Variants in KDR observed in about 807,000 individuals in gnomAD.
KDR encodes kinase insert domain receptor, also known as vascular endothelial growth factor receptor 2.
A neutral mutation model predicts 160.9 loss-of-function variants in KDR; 43 were observed. The observed-to-expected ratio is 0.27, with a 90% CI of 0.21 to 0.34. The LOEUF (loss-of-function observed/expected upper bound fraction) is 0.34, where lower values mean the gene tolerates loss of function less well. Ranked by LOEUF, KDR falls within the 10% of genes least tolerant of loss-of-function variation. The pLI is 1.00. For synonymous variants in KDR, 617 were observed against 600.1 expected, an observed-to-expected ratio of 1.03 and a Z score of -0.41; for missense variants, 1,469 against 1,666.4, an observed-to-expected ratio of 0.88 and a Z score of 2.06.
At chr4:55,109,241 C>A (rs1038197298) in intron 9 of KDR, among the ~76,000 whole-genome samples, 1 of 152,102 alleles carries the variant, frequency 6.6e-6, no homozygotes, top group Non-Finnish European at 1.5e-5. Context: ...CACCACCATG[C>A]CTGGCTAATT....
At chr4:55,118,179 C>CAA (rs1720780398) in intron 3 of KDR, among the ~76,000 whole-genome samples, 2 of 152,110 alleles carry the variant, frequency 1.3e-5, no homozygotes, top group African/African-American at 2.4e-5. Context: ...GAGCCCTTGG[C>CAA]AAAAAATGCT....
At position 55,089,806 on chromosome 4, in the gene KDR, C is replaced by T. The variant is rs748336124; in HGVS notation, c.3193-4G>A. On this transcript the variant is annotated splice_polypyrimidine_tract_variant and splice_region_variant and intron_variant, in intron 23 of 29. Transcript: ENST00000263923. ...TCCATTTCAAAGGGAGGCGAGCCTA[C>T]AGGGGTAGAAGACAAGGATTCAGAA... 3 of 1,613,450 alleles carry T rather than the reference C, an allele frequency of 1.9e-6. No individual in the cohort carries two copies. Among genetic ancestry groups the T allele is most frequent in the Non-Finnish European group, 2.5e-6 (3 of 1,179,424 alleles).
In KDR at chr4:55,123,572, T is replaced by C. The variant is rs58976432; in HGVS notation, c.67+1655A>G. Among the ~76,000 whole-genome samples, 377 of 152,336 alleles carry C rather than the reference T, an allele frequency of 2.5e-3. 4 individuals carry two copies. Among genetic ancestry groups the C allele is most frequent in the African/African-American group, 8.5e-3 (354 of 41,584 alleles). ...CTATTCAACAAGGCTCTCAATAACT[T>C]CAAATTCATATTTGTAGACCAACAT... On this transcript the variant is annotated intron_variant, in intron 1 of 29. Transcript: ENST00000263923.
At chr4:55,102,253 A>G in intron 14 of KDR, 109 bp downstream of exon 14, 2 of 1,371,758 alleles carry the variant, frequency 1.5e-6, no homozygotes, top group South Asian at 1.2e-5. Flanking sequence ...CAGGTCATGG[A>G]CACCAATACT....
chr4:55,118,710 G>A lies in KDR; in HGVS notation c.252C>T (p.Phe84=). The change falls in exon 3 of 30, where the codon TTC becomes TTT. Residue 84 remains phenylalanine, a synonymous_variant. Transcript: ENST00000263923. ...CTTTTGGAATTGTGAGTGTCTTACA[G>A]AAGAGGCCATCGCTGCACTCAGTCA... ...VEVTECSDGL[F]CKTLTIPKVI... The A allele has an allele frequency of 6.2e-7, 1 of 1,614,078 alleles. No homozygotes were observed. The highest frequency in any genetic ancestry group is 8.5e-7 in the Non-Finnish European group (1 of 1,179,938).
At chr4:55,109,944 C>T (rs1437119136) in intron 9 of KDR, among the ~76,000 whole-genome samples, 1 of 152,174 alleles carries the variant, frequency 6.6e-6, no homozygotes. Flanking sequence ...ACAGTGTCAA[C>T]TTCAAAAGCC....
chr4:55,117,912 C>T (rs142995285), intron 3 of KDR, among the ~76,000 whole-genome samples: 14 of 152,214 alleles, frequency 9.2e-5, no homozygotes, highest in African/African-American at 2.9e-4. Flanking sequence ...ATGCATAACT[C>T]ATTATAAATG....
chr4:55,114,811 T>G, intron 5 of KDR, 63 bp downstream of exon 5: 1 of 1,401,366 alleles, frequency 7.1e-7, no homozygotes, highest in Non-Finnish European at 1.0e-6. Context: ...TCTATGTTGT[T>G]ATCTCCAAGA....
chr4:55,101,790 C>CT (rs1385178403), intron 15 of KDR, 107 bp downstream of exon 15: 4 of 962,208 alleles, frequency 4.2e-6, no homozygotes, highest in Non-Finnish European at 6.5e-6. Flanking sequence ...AGGATAATGG[C>CT]TTCCAGCTCC....
chr4:55,098,670 T>C (rs1371405063), intron 16 of KDR, 27 bp downstream of exon 16: 6 of 1,532,866 alleles, frequency 3.9e-6, no homozygotes, highest in African/African-American at 2.7e-5. Context: ...CCAATGTGCA[T>C]GGGCAGAAGG....
intron 22 of KDR, among the ~76,000 whole-genome samples, chr4:55,090,990 G>T (rs1719999471): frequency 6.6e-6 from 1 of 151,508 alleles, no homozygotes; most frequent in Admixed American, 6.6e-5. Context: ...AAGTAGTTGG[G>T]ACCACAGGTG....
chr4:55,081,866 T>C (rs1049361637), intron 29 of KDR, 90 bp downstream of exon 29: 39 of 831,578 alleles, frequency 4.7e-5, no homozygotes, highest in Non-Finnish European at 6.5e-5. Context: ...AAAGACCCCA[T>C]AGGGAAAATT....
intron 3 of KDR, among the ~76,000 whole-genome samples, chr4:55,117,341 G>T (rs555462855): frequency 6.6e-5 from 10 of 152,288 alleles, no homozygotes; most frequent in African/African-American, 2.2e-4. Flanking sequence ...CAGGCTGAAA[G>T]CAGGAAATCC....
intron 1 of KDR, among the ~76,000 whole-genome samples, chr4:55,121,740 C>T (rs1720882894): frequency 1.3e-5 from 2 of 152,084 alleles, no homozygotes; most frequent in Non-Finnish European, 2.9e-5. Flanking sequence ...AATAATGGCT[C>T]ATAAAGACTG....
intron 7 of KDR, 109 bp from the exon 8 acceptor site, chr4:55,110,877 A>G: frequency 1.2e-6 from 1 of 848,716 alleles, no homozygotes; most frequent in South Asian, 1.6e-5. Flanking sequence ...GAGTAGCTGC[A>G]GTTCCAAGAT....
intron 25 of KDR, 29 bp downstream of exon 25, chr4:55,089,345 G>A (rs752283099): frequency 9.3e-6 from 14 of 1,510,406 alleles, no homozygotes; most frequent in Non-Finnish European, 1.2e-5. Context: ...CAAAGAAAGA[G>A]AACACAGGAA....
chr4:55,087,865 C>A (rs971875379), intron 26 of KDR, 107 bp from the exon 27 acceptor site: 1 of 983,918 alleles, frequency 1.0e-6, no homozygotes, highest in Non-Finnish European at 1.6e-6. Context: ...GGGTGTGTGG[C>A]TTTCATATCT....
At chr4:55,085,391 C>T (rs1719837950) in intron 27 of KDR, among the ~76,000 whole-genome samples, 1 of 152,220 alleles carries the variant, frequency 6.6e-6, no homozygotes, top group African/African-American at 2.4e-5. Flanking sequence ...CTCTGTCCAA[C>T]TCTATTTATA....
rs544603595 is a variant in KDR, at chr4:55,114,553, T to G, written c.659-288A>C. Reference sequence around the variant, plus strand: ...CCAGCTTTAGCAAATTGCTGAAGTTTCCATAAAATAGTCATAATTGAAATA... The same window carrying G: ...CCAGCTTTAGCAAATTGCTGAAGTTGCCATAAAATAGTCATAATTGAAATA... On this transcript the variant is annotated intron_variant, in intron 5 of 29. Coordinates refer to ENST00000263923, the MANE Select transcript of KDR (RefSeq NM_002253.4). 3.9e-5 allele frequency among the ~76,000 whole-genome samples: 6 copies of G among 152,352 alleles called. No homozygotes were observed. In the South Asian group the frequency reaches 1.2e-3, roughly 32 times the overall value.
Sources: allele counts gnomAD v4.1 joint callset (sites outside exome capture counted in the v4.1 genomes callset), GRCh38; gene constraint gnomAD v4.1.1; transcripts MANE v1.5; gene names NCBI Gene and HGNC (gene_info 2026-07-23, HGNC 2026-07-21).